The following UBL3 variants were observed in gnomAD, a reference collection of about 807,000 sequenced individuals.
UBL3 encodes ubiquitin like 3.
Under a neutral mutation model 18.4 loss-of-function variants are expected in UBL3, and 6 were observed. The observed-to-expected ratio is 0.33, with a 90% CI of 0.18 to 0.64. UBL3 has a LOEUF of 0.64. UBL3 is among the 30% of genes least tolerant of loss of function. The pLI, the probability that UBL3 is intolerant of heterozygous loss-of-function variation, is 0.76. For synonymous variants in UBL3, 49 were observed against 46.6 expected (o/e 1.05, Z -0.21); for missense variants, 109 against 142.9 (o/e 0.76, Z 1.21).
At chr13:29,775,347 C>A (rs1423213791) in intron 2 of UBL3, among the ~76,000 whole-genome samples, 1 of 151,356 alleles carries the variant, frequency 6.6e-6, no homozygotes, top group Non-Finnish European at 1.5e-5. Flanking sequence ...TTTAAGTCAG[C>A]AACTAGAGAT....
At chr13:29,834,185 G>GAA (rs200617867) in intron 1 of UBL3, among the ~76,000 whole-genome samples, 1 of 73,632 alleles carries the variant, frequency 1.4e-5, no homozygotes. Flanking sequence ...TCTGTCTCAA[G>GAA]AAAAAAAAAA....
chr13:29,849,161 C>T (rs1313743366), intron 1 of UBL3, among the ~76,000 whole-genome samples: 1 of 152,178 alleles, frequency 6.6e-6, no homozygotes, highest in South Asian at 2.1e-4. Context: ...TAGGGACACC[C>T]GTCCTCAGCT....
chr13:29,832,417 C>T (rs1054406748), intron 1 of UBL3, among the ~76,000 whole-genome samples: 34 of 151,794 alleles, frequency 2.2e-4, no homozygotes, highest in South Asian at 6.2e-4. Context: ...ACTGCAAGCT[C>T]CGCCTCCCGG....
At chr13:29,807,289 C>T (rs1169483939) in intron 1 of UBL3, among the ~76,000 whole-genome samples, 1 of 152,150 alleles carries the variant, frequency 6.6e-6, no homozygotes, top group East Asian at 1.9e-4. Flanking sequence ...TCTCCTAGTC[C>T]TGGCTTTTAA....
chr13:29,821,091 T>C (rs1878423043), intron 1 of UBL3, among the ~76,000 whole-genome samples: 1 of 152,110 alleles, frequency 6.6e-6, no homozygotes, highest in Non-Finnish European at 1.5e-5. Flanking sequence ...TGAGTAAACA[T>C]GTGTGAAGCA....
In UBL3 at chr13:29,826,372, A is replaced by C. The variant is rs1363474764; in HGVS notation, c.27+23140T>G. Among the ~76,000 whole-genome samples the C allele has an allele frequency of 2.0e-5, 3 of 152,078 alleles. No individual in the cohort carries two copies. The East Asian group carries it at 5.8e-4, about 29-fold the overall frequency. On this transcript the variant is annotated intron_variant, in intron 1 of 4. Coordinates refer to ENST00000380680, the MANE Select transcript of UBL3 (RefSeq NM_007106.4). ...AGCTATTAATCATTGCCTGAATTTCAGAGCCTGTTATTGGTCTATTCAGGG... is the reference window on the plus strand; with the variant it reads ...AGCTATTAATCATTGCCTGAATTTCCGAGCCTGTTATTGGTCTATTCAGGG...
chr13:29,806,936 T>C (rs1382124664), intron 1 of UBL3, among the ~76,000 whole-genome samples: 2 of 152,220 alleles, frequency 1.3e-5, no homozygotes, highest in East Asian at 1.9e-4. Context: ...TGTGAGATTG[T>C]ATTTCCAAAC....
intron 1 of UBL3, among the ~76,000 whole-genome samples, chr13:29,787,933 T>C (rs1271664756): frequency 6.6e-6 from 1 of 151,802 alleles, no homozygotes; most frequent in Non-Finnish European, 1.5e-5. Flanking sequence ...CATGATGGAG[T>C]TTCATGTATT....
intron 4 of UBL3, 30 bp from the exon 5 acceptor site, chr13:29,767,337 T>C (rs986406592): frequency 2.0e-5 from 33 of 1,612,376 alleles, no homozygotes; most frequent in Non-Finnish European, 2.7e-5. Flanking sequence ...GCCTCGTTTA[T>C]AAAAATTCTA....
At chr13:29,771,150 A>C (rs1400017818) in intron 3 of UBL3, among the ~76,000 whole-genome samples, 2 of 152,188 alleles carry the variant, frequency 1.3e-5, no homozygotes, top group East Asian at 3.9e-4. Context: ...TAATAAATAC[A>C]TGCTGAATGA....
Position 29,780,367 on chromosome 13 carries a change from A to AAAAT in UBL3, c.28-3105_28-3104insATTT, listed in dbSNP as rs1359464345. On this transcript the variant is annotated intron_variant, in intron 1 of 4. Transcript: ENST00000380680. The stretch of plus-strand genomic sequence containing the variant: ...AGACTCTGTCTCAAAAAAAAAAAAA[A>AAAAT]ATATATATATATATATATATATATG... Among the ~76,000 whole-genome samples, 190 of 103,246 alleles carry AAAAT rather than the reference A, an allele frequency of 1.8e-3. 3 individuals carry two copies. Among genetic ancestry groups the AAAAT allele is most frequent in the African/African-American group, 7.3e-3 (183 of 25,106 alleles). The allele number at this position is 103,246 out of a possible 152,430, so 67.7% of individuals were successfully genotyped here. A position where few individuals can be genotyped will look rare whatever the true frequency, so the allele number is the denominator to read the frequency against.
chr13:29,782,754 G>A (rs1343401344), intron 1 of UBL3, among the ~76,000 whole-genome samples: 1 of 152,088 alleles, frequency 6.6e-6, no homozygotes, highest in Non-Finnish European at 1.5e-5. Flanking sequence ...GTGGGGAAGG[G>A]GGAGAAAATG....
At chr13:29,800,976 C>G (rs762441150) in intron 1 of UBL3, among the ~76,000 whole-genome samples, 1 of 152,176 alleles carries the variant, frequency 6.6e-6, no homozygotes, top group Non-Finnish European at 1.5e-5. Flanking sequence ...TTTTCACCTC[C>G]GGGTAGGGAC....
At chr13:29,811,893 ACTCT>A (rs1327708352) in intron 1 of UBL3, among the ~76,000 whole-genome samples, 2 of 151,584 alleles carry the variant, frequency 1.3e-5, no homozygotes, top group Non-Finnish European at 2.9e-5. Context: ...TAACTGATAC[ACTCT>A]CTATCTTCTC....
In UBL3 at chr13:29,849,838, G is replaced by T; in HGVS notation, c.-300C>A. On this transcript the variant is annotated 5_prime_UTR_variant, in exon 1 of 5. It adds an upstream start codon to the 5' untranslated region. Transcript: ENST00000380680. ...AGCAGCCCCAGGACCGGCCGCGCCA[G>T]GTGGACCGAGCCGAGTGACACACGG... is the stretch of plus-strand genomic sequence containing the variant. 1 of 531,036 alleles carries T rather than the reference G, an allele frequency of 1.9e-6. No individual in the cohort carries two copies. The highest frequency in any genetic ancestry group is 3.3e-5 in the Admixed American group (1 of 30,618). The allele number at this position is 531,036 out of a possible 1,614,324, so 32.9% of individuals were successfully genotyped here. A position where few individuals can be genotyped will look rare whatever the true frequency, so the allele number is the denominator to read the frequency against.
chr13:29,774,219 C>T (rs1469543423), intron 2 of UBL3, among the ~76,000 whole-genome samples: 1 of 151,884 alleles, frequency 6.6e-6, no homozygotes, highest in Non-Finnish European at 1.5e-5. Flanking sequence ...ATGGCAAAGA[C>T]TTATACTTGA....
intron 4 of UBL3, 116 bp downstream of exon 4, chr13:29,767,502 C>G: frequency 8.1e-7 from 1 of 1,232,656 alleles, no homozygotes; most frequent in South Asian, 1.4e-5. Context: ...GCTTGACAAT[C>G]TCTATTCATA....
At chr13:29,781,508 T>C (rs1877172989) in intron 1 of UBL3, among the ~76,000 whole-genome samples, 1 of 152,176 alleles carries the variant, frequency 6.6e-6, no homozygotes, top group Non-Finnish European at 1.5e-5. Context: ...TGTATCGGTA[T>C]GGGCTTTCAA....
intron 1 of UBL3, among the ~76,000 whole-genome samples, chr13:29,846,717 C>A (rs1367654648): frequency 6.6e-6 from 1 of 152,184 alleles, no homozygotes; most frequent in East Asian, 1.9e-4. Flanking sequence ...ATCTCCCCAA[C>A]AGGATTTTCC....
Sources: gnomAD v4.1 joint callset for allele counts (sites outside exome capture counted in the v4.1 genomes callset) on GRCh38, gnomAD v4.1.1 for gene constraint, MANE v1.5 for transcripts, NCBI Gene and HGNC (gene_info 2026-07-23, HGNC 2026-07-21) for gene names.